LAMB4: variants seen among roughly 807,000 people sequenced by gnomAD.
LAMB4 encodes laminin subunit beta 4, also known as laminin subunit beta-4.
Under a neutral mutation model 199.2 loss-of-function variants are expected in LAMB4, and 196 were observed. The ratio of observed to expected loss-of-function variants is 0.98; its 90% CI spans 0.88 to 1.11. LAMB4 has a LOEUF of 1.11. LAMB4 is among the 50% of genes least tolerant of loss of function. LAMB4 has a pLI of 0.00. For synonymous variants in LAMB4, 744 were observed against 770.6 expected (o/e 0.97, Z 0.57); for missense variants, 2,080 against 2,171.2 (o/e 0.96, Z 0.83).
chr7:108,068,080 C>G lies in LAMB4; in HGVS notation c.2382G>C (p.Val794=), dbSNP rs1185336765. The G allele has an allele frequency of 1.2e-6, 2 of 1,614,044 alleles. No homozygotes were observed. The highest frequency in any genetic ancestry group is 8.5e-7 in the Non-Finnish European group (1 of 1,180,038). ...AGCACCTGTCACAGCAGCGCCCGACCACAAGAGGTTTACACTGGCACTGGC... is the reference window on the plus strand; with the variant it reads ...AGCACCTGTCACAGCAGCGCCCGACGACAAGAGGTTTACACTGGCACTGGC... ...LGGQCQCKPL[V]VGRCCDRCST... Residue 794 remains valine (V), a synonymous_variant, in exon 19 of 34, where the codon GTG becomes GTC. Transcript: ENST00000388781.
intron 25 of LAMB4, among the ~76,000 whole-genome samples, chr7:108,054,473 T>C (rs1037555253): frequency 1.3e-5 from 2 of 152,222 alleles, no homozygotes; most frequent in African/African-American, 4.8e-5. Context: ...ATGTTATATA[T>C]GACATGAGCC....
chr7:108,065,982 C>T (rs117338310), intron 20 of LAMB4, 63 bp from the exon 21 acceptor site: 17,612 of 1,497,898 alleles, frequency 0.012, 125 homozygotes, highest in Non-Finnish European at 0.014. Context: ...TAGCCAATGA[C>T]GGTTTGCTAT....
intron 1 of LAMB4, among the ~76,000 whole-genome samples, chr7:108,128,316 C>T (rs1044496887): frequency 3.9e-5 from 6 of 152,184 alleles, no homozygotes; most frequent in Admixed American, 6.5e-5. Context: ...GGTGCCATCC[C>T]TACTGAAGTC....
intron 24 of LAMB4, among the ~76,000 whole-genome samples, chr7:108,056,371 A>C (rs1413470238): frequency 1.3e-5 from 2 of 152,208 alleles, no homozygotes; most frequent in Non-Finnish European, 2.9e-5. Context: ...AGGTGTGTCG[A>C]GACTCTCTAA....
intron 11 of LAMB4, among the ~76,000 whole-genome samples, chr7:108,095,559 A>G (rs931258208): frequency 6.6e-6 from 1 of 152,170 alleles, no homozygotes; most frequent in Non-Finnish European, 1.5e-5. Flanking sequence ...GTTTTACTGG[A>G]TGGCAATTAG....
At position 108,095,245 on chromosome 7, in the gene LAMB4, G is replaced by T. The variant is rs1196343952; in HGVS notation, c.1453C>A (p.His485Asn). 8.7e-6 allele frequency: 14 copies of T among 1,613,200 alleles called. 1 individual carries two copies. The South Asian group carries it at 1.5e-4, about 18-fold the overall frequency. Residue 485 changes from histidine (H) to asparagine (N), a missense_variant, in exon 12 of 34, where the codon CAC becomes AAC. Transcript: ENST00000388781. The stretch of plus-strand genomic sequence containing the variant: ...ATACATACAGTGCATTCTTCGCAGT[G>T]TGCTCCGGTGACATATGACAGGCAC... Reference protein sequence around the residue: ...CLCLSYVTGAHCEECTVGYWG... With the variant: ...CLCLSYVTGANCEECTVGYWG...
chr7:108,050,990 G>A (rs146936149), intron 26 of LAMB4, among the ~76,000 whole-genome samples: 71 of 152,274 alleles, frequency 4.7e-4, no homozygotes, highest in African/African-American at 1.6e-3. Context: ...GGGACTTGCT[G>A]TAATGATCTG....
intron 14 of LAMB4, among the ~76,000 whole-genome samples, chr7:108,088,026 G>T (rs2037250750): frequency 6.6e-6 from 1 of 152,070 alleles, no homozygotes; most frequent in African/African-American, 2.4e-5. Context: ...ATTCATGAAT[G>T]GTTTACCTCA....
chr7:108,107,754 G>T lies in LAMB4; in HGVS notation c.468C>A (p.Phe156Leu), dbSNP rs766807305. The T allele has an allele frequency of 1.2e-6, 2 of 1,613,794 alleles. No homozygotes were observed. The highest frequency in any genetic ancestry group is 2.2e-5 in the East Asian group (1 of 44,870). ...STDYGHNWKV[F>L]KYFAKDCATS... ...TGGCACAGTCTTTTGCAAAATATTT[G>T]AACACTTTCCAGTTGTGTCCATAGT... Residue 156 changes from phenylalanine (F) to leucine (L), a missense_variant, in exon 6 of 34, where the codon TTC becomes TTA. Coordinates refer to ENST00000388781, the MANE Select transcript of LAMB4 (RefSeq NM_007356.3).
intron 21 of LAMB4, among the ~76,000 whole-genome samples, chr7:108,064,428 A>C (rs2036267496): frequency 6.6e-6 from 1 of 152,226 alleles, no homozygotes; most frequent in Non-Finnish European, 1.5e-5. Flanking sequence ...AATAGCTGTC[A>C]CTTCTAGAAG....
rs770374795 is a variant in LAMB4, at chr7:108,055,924, C to T, written c.3463G>A (p.Gly1155Ser). The T allele has an allele frequency of 2.9e-5, 47 of 1,614,060 alleles. 1 individual carries two copies. In the Admixed American group the frequency reaches 3.2e-4, roughly 11 times the overall value. Reference sequence around the variant, plus strand: ...CGGGCACAGCGATCACATCTCTGGCCGCTGACACCCTCCCGGCAGCGGCAC... The same window carrying T: ...CGGGCACAGCGATCACATCTCTGGCTGCTGACACCCTCCCGGCAGCGGCAC... ...GMCRCREGVS[G>S]QRCDRCARGH... is the part of the protein sequence containing the mutation. The change falls in exon 25 of 34, where the codon GGC (glycine) becomes AGC (serine). Residue 1155 changes from glycine to serine, a missense_variant. By Grantham distance (56) the Gly-to-Ser change is moderately conservative (BLOSUM62 0). Coordinates refer to ENST00000388781, the MANE Select transcript of LAMB4 (RefSeq NM_007356.3).
intron 1 of LAMB4, among the ~76,000 whole-genome samples, chr7:108,124,424 T>C (rs757641212): frequency 1.8e-4 from 28 of 152,210 alleles, no homozygotes; most frequent in Non-Finnish European, 4.0e-4. Flanking sequence ...AAAGAGTATA[T>C]GTGTGTGTGC....
the LAMB4 span, among the ~76,000 whole-genome samples, chr7:108,012,806 A>G: frequency 6.6e-6 from 1 of 152,026 alleles, no homozygotes; most frequent in African/African-American, 2.4e-5. Context: ...GCCACCCTCA[A>G]TATACTCACC....
chr7:108,056,124 G>C (rs1011542128), intron 24 of LAMB4, 117 bp from the exon 25 acceptor site: 5 of 903,658 alleles, frequency 5.5e-6, no homozygotes, highest in Admixed American at 2.7e-5. Flanking sequence ...CTTCTAAGAT[G>C]AATATTTAAA....
chr7:108,022,906 G>A (rs1248231400), downstream of LAMB4, among the ~76,000 whole-genome samples: 5 of 152,026 alleles, frequency 3.3e-5, no homozygotes, highest in African/African-American at 1.2e-4. Context: ...CCTTCCTCCT[G>A]GATTTAAGCT....
At chr7:108,044,913 A>G (rs1237193153) in intron 28 of LAMB4, among the ~76,000 whole-genome samples, 1 of 143,264 alleles carries the variant, frequency 7.0e-6, no homozygotes, top group Admixed American at 7.1e-5. Context: ...AGATCGCACC[A>G]TTACACTCCA....
At chr7:108,034,098 A>G (rs764881020) in intron 31 of LAMB4, 110 bp downstream of exon 31, 18 of 1,032,040 alleles carry the variant, frequency 1.7e-5, no homozygotes, top group Non-Finnish European at 2.4e-5. Context: ...TATCCTCATA[A>G]TAATCCCATC....
intron 19 of LAMB4, among the ~76,000 whole-genome samples, chr7:108,067,333 C>T (rs1362157095): frequency 6.6e-6 from 1 of 152,206 alleles, no homozygotes; most frequent in African/African-American, 2.4e-5. Flanking sequence ...TGTTTCCCTA[C>T]TTGGAAAGGA....
At chr7:108,031,184 G>A (rs2035017115) in intron 31 of LAMB4, among the ~76,000 whole-genome samples, 1 of 151,502 alleles carries the variant, frequency 6.6e-6, no homozygotes, top group South Asian at 2.1e-4. Context: ...CGTTAGCCTA[G>A]CGTGGGGTGC....
Sources: gnomAD v4.1 joint callset for allele counts (sites outside exome capture counted in the v4.1 genomes callset) on GRCh38, gnomAD v4.1.1 for gene constraint, MANE v1.5 for transcripts, NCBI Gene and HGNC (gene_info 2026-07-23, HGNC 2026-07-21) for gene names.